RADIL: variants seen among roughly 807,000 people sequenced by gnomAD.
The protein encoded by RADIL is ras-associating and dilute domain-containing protein.
A neutral mutation model predicts 97.6 loss-of-function variants in RADIL; 99 were observed. The ratio of observed to expected loss-of-function variants is 1.01; its 90% CI spans 0.86 to 1.20. The LOEUF (loss-of-function observed/expected upper bound fraction) is 1.20. RADIL is among the 50% of genes most tolerant of loss of function. The pLI is 0.00. For missense variants in RADIL, 1,765 were observed against 1,498.9 expected (o/e 1.18, Z -2.93); for synonymous variants, 803 against 691.8 (o/e 1.16, Z -2.52).
At chr7:4,820,693 C>A (rs941899982) in intron 6 of RADIL, among the ~76,000 whole-genome samples, 1 of 152,156 alleles carries the variant, frequency 6.6e-6, no homozygotes, top group Non-Finnish European at 1.5e-5. Context: ...GGCTCTGCCT[C>A]CCCCAGGAGC....
Position 4,821,969 on chromosome 7 carries a change from GGT to G in RADIL, c.1615+423_1615+424del, listed in dbSNP as rs1345720103. 2.6e-5 allele frequency among the ~76,000 whole-genome samples: 4 copies of G among 152,042 alleles called. No individual in the cohort carries two copies. Among genetic ancestry groups the G allele is most frequent in the Non-Finnish European group, 4.4e-5 (3 of 68,008 alleles). On this transcript the variant is annotated intron_variant, in intron 6 of 14. Transcript: ENST00000399583. The surrounding 1 kb of genome is among the most constrained non-coding windows in gnomAD (Gnocchi z 5.2). ...GCAACATCTGTCCTTCTGGAATAAC[GGT>G]GTGTCTCAGAACGGGCGGCGGTCTC...
chr7:4,810,673 G>T (rs978729269), intron 9 of RADIL, among the ~76,000 whole-genome samples: 1 of 152,214 alleles, frequency 6.6e-6, no homozygotes, highest in Non-Finnish European at 1.5e-5. Flanking sequence ...TTGCTCAATC[G>T]GAGCACATGC....
intron 10 of RADIL, 184 bp downstream of exon 10, chr7:4,805,382 G>T: frequency 3.1e-6 from 2 of 643,630 alleles, no homozygotes; most frequent in Non-Finnish European, 4.6e-6. Context: ...GAGGTCCCCG[G>T]ATCCCCAGGT....
rs1039288267 is a variant in RADIL at position 4,873,890 on chromosome 7, G to T, written c.535+3715C>A. Reference sequence around the variant, plus strand: ...TCACTCCAACCTGAGGCAGGCTGGCGCCCACGGCTGCTGGAGAAGCTGCTA... The same window carrying T: ...TCACTCCAACCTGAGGCAGGCTGGCTCCCACGGCTGCTGGAGAAGCTGCTA... On this transcript the variant is annotated intron_variant, in intron 2 of 14. Coordinates refer to ENST00000399583, the MANE Select transcript of RADIL (RefSeq NM_018059.5). This position sits in a 1 kb window ranked among gnomAD's most constrained non-coding sequence, Gnocchi z 4.3. Among the ~76,000 whole-genome samples the T allele has an allele frequency of 2.6e-5, 4 of 152,202 alleles. No homozygotes were observed. In the East Asian group the frequency reaches 7.7e-4, roughly 29 times the overall value.
At chr7:4,865,293 C>G in intron 2 of RADIL, 5 of 440,144 alleles carry the variant, frequency 1.1e-5, no homozygotes, top group Non-Finnish European at 2.1e-5. Context: ...TTTTGGACAA[C>G]AGACCATATA....
Position 4,817,391 on chromosome 7 carries a change from A to G in RADIL, c.1616-40T>C. The G allele has an allele frequency of 1.3e-6, 2 of 1,566,720 alleles. No individual in the cohort carries two copies. Among genetic ancestry groups the G allele is most frequent in the South Asian group, 2.3e-5 (2 of 87,894 alleles). The stretch of plus-strand genomic sequence containing the variant: ...CCACGCCAATGGTCACAACGGGCAC[A>G]GCGCTCAGGAACGCAGCAACTCAGC... On this transcript the variant is annotated intron_variant, in intron 6 of 14. Coordinates refer to ENST00000399583, the MANE Select transcript of RADIL (RefSeq NM_018059.5). The surrounding 1 kb of genome is among the most constrained non-coding windows in gnomAD (Gnocchi z 8.3).
chr7:4,829,865 C>T (rs569808678), intron 5 of RADIL, among the ~76,000 whole-genome samples: 1 of 152,294 alleles, frequency 6.6e-6, no homozygotes, highest in East Asian at 1.9e-4. Flanking sequence ...CCCATTAAAC[C>T]TGTTTCCTTT....
intron 11 of RADIL, among the ~76,000 whole-genome samples, chr7:4,802,727 G>A (rs1482848016): frequency 9.1e-6 from 1 of 110,068 alleles, no homozygotes; most frequent in Non-Finnish European, 1.9e-5. Context: ...GCACCTCGGG[G>A]CACGCTGGCT....
rs1432944881 is a variant in RADIL, at chr7:4,873,190, C to T, written c.535+4415G>A. Among the ~76,000 whole-genome samples, 1 of 152,184 alleles carries T rather than the reference C, an allele frequency of 6.6e-6. No individual in the cohort carries two copies. Among genetic ancestry groups the T allele is most frequent in the Non-Finnish European group, 1.5e-5 (1 of 68,032 alleles). On this transcript the variant is annotated intron_variant, in intron 2 of 14. Transcript: ENST00000399583. The surrounding 1 kb of genome is among the most constrained non-coding windows in gnomAD (Gnocchi z 4.3). The stretch of plus-strand genomic sequence containing the variant: ...TCAATTGATCTGCCTGCCTCGGCCT[C>T]CCAAAGTGCTGGGATTACACGCGTG...
intron 2 of RADIL, chr7:4,858,838 T>A (rs1783899940): frequency 6.6e-6 from 1 of 152,244 alleles, no homozygotes; most frequent in Non-Finnish European, 1.5e-5. Context: ...TTATTCCTTT[T>A]TTCTTGTGAA....
chr7:4,874,202 G>T (rs920661350), intron 2 of RADIL, among the ~76,000 whole-genome samples: 1 of 152,238 alleles, frequency 6.6e-6, no homozygotes, highest in Non-Finnish European at 1.5e-5. Flanking sequence ...CTGTGTGTGT[G>T]AGCACCTGTG....
chr7:4,838,989 G>A (rs1215152360), intron 2 of RADIL, among the ~76,000 whole-genome samples: 3 of 152,236 alleles, frequency 2.0e-5, no homozygotes, highest in African/African-American at 4.8e-5. Context: ...CACCGCTTGA[G>A]TTAGCAAAGC....
intron 2 of RADIL, among the ~76,000 whole-genome samples, chr7:4,863,983 G>C (rs1017976624): frequency 6.6e-6 from 1 of 151,910 alleles, no homozygotes; most frequent in Non-Finnish European, 1.5e-5. Context: ...TATTTTCCTG[G>C]GTACTCAGCT....
rs374880901 is a variant in RADIL, at chr7:4,815,413, G to T, written c.2004C>A (p.Val668=). The T allele has an allele frequency of 1.4e-3, 2,165 of 1,560,488 alleles. 32 individuals are homozygous for T. The South Asian group carries it at 0.016, about 11-fold the overall frequency. Reference sequence around the variant, plus strand: ...GCTGCTGCAGGCGGGCGCAGGCCTGGACACCTCTGGGCCAGTGGAAGCAGC... The same window carrying T: ...GCTGCTGCAGGCGGGCGCAGGCCTGTACACCTCTGGGCCAGTGGAAGCAGC... The part of the protein sequence containing the change: ...SLSCFHWPRG[V]QACARLQQLL... Residue 668 remains valine, a synonymous_variant, in exon 9 of 15, where the codon GTC becomes GTA. Transcript: ENST00000399583. The surrounding 1 kb of genome is among the most constrained non-coding windows in gnomAD (Gnocchi z 8.0).
At chr7:4,827,487 C>T (rs190838192) in intron 5 of RADIL, among the ~76,000 whole-genome samples, 32 of 151,794 alleles carry the variant, frequency 2.1e-4, no homozygotes, top group Admixed American at 1.4e-3. Context: ...CAGTGAAACC[C>T]CGTCTCTACT....
At chr7:4,804,418 A>G (rs983820211) in intron 10 of RADIL, among the ~76,000 whole-genome samples, 4 of 152,250 alleles carry the variant, frequency 2.6e-5, no homozygotes, top group Non-Finnish European at 5.9e-5. Flanking sequence ...GCCTCCCGCC[A>G]TCCCGTACTC....
chr7:4,856,004 TCAC>T (rs1472632520), intron 2 of RADIL, among the ~76,000 whole-genome samples: 1 of 152,112 alleles, frequency 6.6e-6, no homozygotes, highest in Admixed American at 6.5e-5. Context: ...AGGTGGAGTT[TCAC>T]CACATTGGCC....
intron 2 of RADIL, among the ~76,000 whole-genome samples, chr7:4,843,559 G>T (rs1317224621): frequency 6.6e-6 from 1 of 152,130 alleles, no homozygotes; most frequent in East Asian, 1.9e-4. Context: ...ATTTCTCTAT[G>T]CCATGGCCAG....
chr7:4,856,052 G>A (rs1307922333), intron 2 of RADIL, among the ~76,000 whole-genome samples: 1 of 151,200 alleles, frequency 6.6e-6, no homozygotes, highest in East Asian at 1.9e-4. Flanking sequence ...CAAGTGATCC[G>A]CTCGCCTCGG....
Sources: allele counts gnomAD v4.1 joint callset (sites outside exome capture counted in the v4.1 genomes callset), GRCh38; gene constraint gnomAD v4.1.1; non-coding constraint Gnocchi (gnomAD v3.1); transcripts MANE v1.5; gene names NCBI Gene and HGNC (gene_info 2026-07-23, HGNC 2026-07-21).